ASAH1: variants seen among roughly 807,000 people sequenced by gnomAD.
The protein encoded by ASAH1 is acid ceramidase.
In ASAH1, 70 loss-of-function variants were observed where a neutral mutation model predicts 59.5. That is an observed-to-expected ratio of 1.18 (90% CI 0.97 to 1.43). The LOEUF (loss-of-function observed/expected upper bound fraction) is 1.43. ASAH1 is among the 40% of genes most tolerant of loss of function. The pLI is 0.00. For missense variants in ASAH1, 660 were observed against 482.5 expected (o/e 1.37, Z -3.45); for synonymous variants, 213 against 166.5 (o/e 1.28, Z -2.15).
At chr8:18,084,758 T>A, upstream of ASAH1, 1 of 1,613,706 alleles carries the variant, frequency 6.2e-7, no homozygotes. Context: ...GGAGGCCCGG[T>A]GGGACCCGCG....
At chr8:18,064,688 A>G in intron 5 of ASAH1, 157 bp from the exon 6 acceptor site, 2 of 617,960 alleles carry the variant, frequency 3.2e-6, no homozygotes, top group Non-Finnish European at 5.7e-6. Flanking sequence ...TTTCTTCCCC[A>G]GCCTGGACTC....
intron 4 of ASAH1, chr8:18,069,359 C>T (rs1800063700): frequency 6.0e-6 from 1 of 167,776 alleles, no homozygotes; most frequent in Non-Finnish European, 1.3e-5. Context: ...ACACTCAGCC[C>T]AAATGAGTTT....
chr8:18,084,291 A>C, upstream of ASAH1: 1 of 1,435,344 alleles, frequency 7.0e-7, no homozygotes, highest in Non-Finnish European at 9.1e-7. Context: ...GGCTACCTGC[A>C]GAAGGAGAGT....
Position 18,059,383 on chromosome 8 carries a change from G to T in ASAH1, c.999C>A (p.Arg333=). 1 of 1,614,208 alleles carries T rather than the reference G, an allele frequency of 6.2e-7. No individual in the cohort carries two copies. Among genetic ancestry groups the T allele is most frequent in the Non-Finnish European group, 8.5e-7 (1 of 1,180,026 alleles). ...RWKHPFFLDD[R]RTPAKMCLNR... is the part of the protein sequence containing the mutation. ...TCAGACACATCTTTGCAGGCGTTCT[G>T]CGATCATCAAGGAAGAAGGGATGTT... Residue 333 remains arginine (R), a synonymous_variant, in exon 12 of 14, where the codon CGC becomes CGA. Coordinates refer to ENST00000637790, the MANE Select transcript of ASAH1 (RefSeq NM_177924.5).
At chr8:18,067,623 C>G in intron 4 of ASAH1, 1 of 161,798 alleles carries the variant, frequency 6.2e-6, no homozygotes, top group Non-Finnish European at 1.3e-5. Context: ...ATGACCTAAC[C>G]TGACCCACAC....
chr8:18,084,639 G>C, upstream of ASAH1: 2 of 1,611,652 alleles, frequency 1.2e-6, no homozygotes, highest in Non-Finnish European at 1.7e-6. Flanking sequence ...AGAGAGAATC[G>C]AATCCACTCG....
At chr8:18,073,163 G>A (rs1268809285) in intron 2 of ASAH1, 1 of 1,184,752 alleles carries the variant, frequency 8.4e-7, no homozygotes, top group Non-Finnish European at 1.2e-6. Context: ...AGCCATAATT[G>A]CACATTTTAC....
chr8:18,072,628 T>G (rs1800221798), intron 2 of ASAH1, among the ~76,000 whole-genome samples: 1 of 152,234 alleles, frequency 6.6e-6, no homozygotes. Context: ...CATGAAATGC[T>G]ACAATACTTA....
upstream of ASAH1, chr8:18,084,510 A>G: frequency 7.4e-7 from 1 of 1,345,732 alleles, no homozygotes; most frequent in Non-Finnish European, 1.0e-6. Context: ...TCTCAACACT[A>G]ATGTAACATC....
At position 18,061,415 on chromosome 8, in the gene ASAH1, T is replaced by C. The variant is rs1267149381; in HGVS notation, c.747A>G (p.Ile249Met). 1.9e-6 allele frequency: 3 copies of C among 1,613,202 alleles called. No individual in the cohort carries two copies. The highest frequency in any genetic ancestry group is 2.5e-6 in the Non-Finnish European group (3 of 1,179,074). ...WILGKKDVMW[I>M]GFLTRTVLEN... is the part of the protein sequence containing the mutation. ...CCAGAACTGTTCTAGTGAGGAACCC[T>C]ATCCACATGACATCTTTCTTTCCCA... Residue 249 changes from isoleucine to methionine, a missense_variant, in exon 10 of 14, where the codon ATA becomes ATG. Coordinates refer to ENST00000637790, the MANE Select transcript of ASAH1 (RefSeq NM_177924.5).
At chr8:18,069,667 A>G in intron 4 of ASAH1, 125 bp downstream of exon 4, 4 of 677,610 alleles carry the variant, frequency 5.9e-6, no homozygotes, top group Non-Finnish European at 1.0e-5. Context: ...AAGTTCTGAC[A>G]GTGAGCTAGA....
chr8:18,064,349 C>T lies in ASAH1; in HGVS notation c.457+108G>A, dbSNP rs77940935. 22,609 of 875,056 alleles carry T rather than the reference C, an allele frequency of 0.026. 385 individuals carry two copies. Among genetic ancestry groups the T allele is most frequent in the Non-Finnish European group, 0.034 (18,282 of 541,092 alleles). The allele number at this position is 875,056 out of a possible 1,614,324, so 54.2% of individuals were successfully genotyped here. A position where few individuals can be genotyped will look rare whatever the true frequency, so the allele number is the denominator to read the frequency against. ...GAAATAAAAAGCTGTATGCAACATACACAGAATTTACATAGCAAGCCCAAA... is the reference window on the plus strand; with the variant it reads ...GAAATAAAAAGCTGTATGCAACATATACAGAATTTACATAGCAAGCCCAAA... On this transcript the variant is annotated intron_variant, in intron 6 of 13. Coordinates refer to ENST00000637790, the MANE Select transcript of ASAH1 (RefSeq NM_177924.5).
rs780542522 is a variant in ASAH1, at chr8:18,059,461, G to C, written c.921C>G (p.Leu307=). 4 of 1,613,998 alleles carry C rather than the reference G, an allele frequency of 2.5e-6. No individual in the cohort carries two copies. The highest frequency in any genetic ancestry group is 2.7e-5 in the African/African-American group (2 of 74,924). Residue 307 remains leucine (L), a synonymous_variant, in exon 12 of 14, where the codon CTC becomes CTG. Coordinates refer to ENST00000637790, the MANE Select transcript of ASAH1 (RefSeq NM_177924.5). The part of the protein sequence containing the change: ...DRKESLDVYE[L]DAKQGRWYVV... ...CATACCATCTACCCTGCTTAGCATCGAGTCTAGATACAAAAGGAGAGATTC... is the reference window on the plus strand; with the variant it reads ...CATACCATCTACCCTGCTTAGCATCCAGTCTAGATACAAAAGGAGAGATTC...
intron 5 of ASAH1, chr8:18,066,500 A>G (rs1799935335): frequency 6.6e-6 from 1 of 151,858 alleles, no homozygotes; most frequent in Admixed American, 6.6e-5. Context: ...CTAAAATGCG[A>G]TACTGCGACA....
At position 18,059,381 on chromosome 8, in the gene ASAH1, C is replaced by CT; in HGVS notation, c.1000dup (p.Arg334LysfsTer19). 6.2e-7 allele frequency: 1 copy of CT among 1,614,198 alleles called. No individual in the cohort carries two copies. The highest frequency in any genetic ancestry group is 1.3e-5 in the African/African-American group (1 of 75,046). ...GTTCAGACACATCTTTGCAGGCGTTCTGCGATCATCAAGGAAGAAGGGATG... is the reference window on the plus strand; with the variant it reads ...GTTCAGACACATCTTTGCAGGCGTTCTTGCGATCATCAAGGAAGAAGGGATG... On this transcript the variant is annotated frameshift_variant, in exon 12 of 14. Transcript: ENST00000637790. LOFTEE classifies it high-confidence loss of function.
chr8:18,082,055 T>C (rs1306395313), intron 1 of ASAH1, among the ~76,000 whole-genome samples: 2 of 152,244 alleles, frequency 1.3e-5, no homozygotes, highest in Non-Finnish European at 2.9e-5. Flanking sequence ...AAACTTGAAG[T>C]CCATACAATC....
chr8:18,059,968 C>T, intron 10 of ASAH1: 1 of 385,542 alleles, frequency 2.6e-6, no homozygotes, highest in Non-Finnish European at 4.9e-6. Flanking sequence ...GCGTGATGTT[C>T]CCCTCCCTGT....
intron 8 of ASAH1, 44 bp downstream of exon 8, chr8:18,062,235 G>T (rs1799733195): frequency 1.2e-6 from 2 of 1,613,034 alleles, no homozygotes; most frequent in South Asian, 1.1e-5. Context: ...ACGGTAACAG[G>T]ACAGAAGGCT....
In ASAH1 at chr8:18,071,353, C is replaced by G. The variant is rs1800166892; in HGVS notation, c.163G>C (p.Asp55His). ...GAVPWYTINL[D>H]LPPYKRWHEL... Reference sequence around the variant, plus strand: ...TGCCATCTTTTGTAGGGTGGTAAGTCAAGATTTATGGTGTACCATGGAACT... The same window carrying G: ...TGCCATCTTTTGTAGGGTGGTAAGTGAAGATTTATGGTGTACCATGGAACT... The change falls in exon 3 of 14, where the codon GAC becomes CAC. Residue 55 changes from aspartate to histidine, a missense_variant. Physicochemically the swap from Asp to His is moderately conservative, Grantham distance 81. Transcript: ENST00000637790. 6.2e-7 allele frequency: 1 copy of G among 1,604,080 alleles called. No individual in the cohort carries two copies.
Sources: gnomAD v4.1 joint callset for allele counts (sites outside exome capture counted in the v4.1 genomes callset) on GRCh38, gnomAD v4.1.1 for gene constraint, MANE v1.5 for transcripts, NCBI Gene and HGNC (gene_info 2026-07-23, HGNC 2026-07-21) for gene names.